The following NFIB variants were observed in gnomAD, a reference collection of about 807,000 sequenced individuals.
NFIB encodes the protein nuclear factor 1 B-type.
Under a neutral mutation model 61.5 loss-of-function variants are expected in NFIB, and 11 were observed. The observed-to-expected ratio is 0.18, with a 90% CI of 0.11 to 0.30. The LOEUF (loss-of-function observed/expected upper bound fraction) is 0.30. Among genes scored for constraint, NFIB ranks in the 10% least tolerant of loss-of-function variants. The probability of loss-of-function intolerance (pLI) is 1.00; values close to 1 mark genes in which losing one functional copy is unlikely to be tolerated. For missense variants in NFIB, 471 were observed against 608.9 expected, an observed-to-expected ratio of 0.77 and a Z score of 2.38; for synonymous variants, 260 against 216.5, an observed-to-expected ratio of 1.20 and a Z score of -1.76.
At chr9:14,295,393 A>G (rs1313709868) in intron 2 of NFIB, among the ~76,000 whole-genome samples, 8 of 152,222 alleles carry the variant, frequency 5.3e-5, no homozygotes, top group East Asian at 1.9e-4. Flanking sequence ...TGGGAGGCCC[A>G]AGGCGGGCAG....
the NFIB span, among the ~76,000 whole-genome samples, chr9:14,456,566 G>C: frequency 6.6e-6 from 1 of 152,168 alleles, no homozygotes; most frequent in Admixed American, 6.5e-5. Flanking sequence ...GTATTAATTG[G>C]CTCTTATTCA....
At chr9:14,346,060 C>G (rs1173707440) in intron 1 of NFIB, among the ~76,000 whole-genome samples, 6 of 152,162 alleles carry the variant, frequency 3.9e-5, no homozygotes, top group Non-Finnish European at 8.8e-5. Context: ...AGGCACGACC[C>G]TGATCCCCGG....
intron 6 of NFIB, among the ~76,000 whole-genome samples, chr9:14,140,080 T>G (rs2041512210): frequency 6.6e-6 from 1 of 152,230 alleles, no homozygotes; most frequent in African/African-American, 2.4e-5. Flanking sequence ...TCTTTTTTTC[T>G]GGTTCAAAAC....
chr9:14,114,027 G>A (rs898539556), intron 9 of NFIB, among the ~76,000 whole-genome samples: 1 of 152,044 alleles, frequency 6.6e-6, no homozygotes, highest in African/African-American at 2.4e-5. Flanking sequence ...TACCTTTATT[G>A]TTCTGAAGAA....
chr9:14,120,309 G>A lies in NFIB; in HGVS notation c.1245+131C>T. The A allele has an allele frequency of 2.0e-6, 2 of 988,044 alleles. No individual in the cohort carries two copies. The highest frequency in any genetic ancestry group is 3.1e-6 in the Non-Finnish European group (2 of 635,346). The allele number at this position is 988,044 out of a possible 1,614,324, so 61.2% of individuals were successfully genotyped here. A position where few individuals can be genotyped will look rare whatever the true frequency, so the allele number is the denominator to read the frequency against. ...AAATAAAAACTTATTGAGTCACCAA[G>A]CAACTTCCTGAAGATGGATTTCAAG... On this transcript the variant is annotated intron_variant, in intron 8 of 10. Coordinates refer to ENST00000380953, the MANE Select transcript of NFIB (RefSeq NM_001190737.2). The surrounding 1 kb of genome is among the most constrained non-coding windows in gnomAD (Gnocchi z 4.4).
chr9:14,519,834 T>C, the NFIB span, among the ~76,000 whole-genome samples: 1 of 152,204 alleles, frequency 6.6e-6, no homozygotes. Context: ...AATGGCATAT[T>C]TGGGAGTTGA....
chr9:14,264,546 C>T (rs892518379), intron 2 of NFIB, among the ~76,000 whole-genome samples: 13 of 152,098 alleles, frequency 8.5e-5, no homozygotes, highest in Non-Finnish European at 1.3e-4. Context: ...AGTAAAAACA[C>T]TCAATGATGA....
In NFIB at chr9:14,339,517, C is replaced by T. The variant is rs186145944; in HGVS notation, c.109-31997G>A. ...CATTATAATCACTTCTTGTTCACAT[C>T]TCTGATATCCCCATGGCTCTTGCTG... On this transcript the variant is annotated intron_variant, in intron 1 of 8. Transcript: ENST00000380934. Among the ~76,000 whole-genome samples the T allele has an allele frequency of 6.6e-5, 10 of 152,312 alleles. 1 individual carries two copies. Among genetic ancestry groups the T allele is most frequent in the Admixed American group, 4.6e-4 (7 of 15,304 alleles).
chr9:14,327,793 T>G (rs893981550), intron 1 of NFIB, among the ~76,000 whole-genome samples: 3 of 152,134 alleles, frequency 2.0e-5, no homozygotes, highest in African/African-American at 7.2e-5. Flanking sequence ...GCTGCCCTTC[T>G]CATCCCACTT....
the NFIB span, among the ~76,000 whole-genome samples, chr9:14,502,704 ATTTATT>A: frequency 6.6e-6 from 1 of 152,000 alleles, no homozygotes; most frequent in African/African-American, 2.4e-5. Flanking sequence ...GGGAAGTTTT[ATTTATT>A]TTTATTTTTT....
intron 1 of NFIB, among the ~76,000 whole-genome samples, chr9:14,392,116 C>T (rs1434226204): frequency 1.3e-5 from 2 of 151,980 alleles, no homozygotes; most frequent in African/African-American, 4.8e-5. Flanking sequence ...TCAAAACTTA[C>T]AAGGTTATCA....
In NFIB at chr9:14,235,071, T is replaced by C. The variant is rs368511552; in HGVS notation, c.563-55291A>G. Among the ~76,000 whole-genome samples, 22 of 152,314 alleles carry C rather than the reference T, an allele frequency of 1.4e-4. No individual in the cohort carries two copies. In the East Asian group the frequency reaches 1.7e-3, roughly 12 times the overall value. ...ACAACTGGTAGGTACTTAATAAGTA[T>C]ATGCCTATAGAGGATAATGATAACT... is the stretch of plus-strand genomic sequence containing the variant. On this transcript the variant is annotated intron_variant, in intron 2 of 10. Transcript: ENST00000380953.
chr9:14,131,290 C>T (rs953225317), intron 6 of NFIB, among the ~76,000 whole-genome samples: 1 of 152,132 alleles, frequency 6.6e-6, no homozygotes, highest in African/African-American at 2.4e-5. Flanking sequence ...TTCATTTATT[C>T]TTAAGCATCC....
the NFIB span, among the ~76,000 whole-genome samples, chr9:14,452,751 T>C: frequency 6.6e-6 from 1 of 152,210 alleles, no homozygotes; most frequent in African/African-American, 2.4e-5. Context: ...ATTAGGCAGA[T>C]GGTTATCAAA....
At chr9:14,360,748 G>T (rs1201392961) in intron 1 of NFIB, among the ~76,000 whole-genome samples, 1 of 151,918 alleles carries the variant, frequency 6.6e-6, no homozygotes, top group South Asian at 2.1e-4. Flanking sequence ...GTTTCACCTT[G>T]TTAGCCAGAA....
At chr9:14,471,837 G>A in the NFIB span, among the ~76,000 whole-genome samples, 1 of 152,204 alleles carries the variant, frequency 6.6e-6, no homozygotes, top group East Asian at 1.9e-4. Context: ...CTGTTTCCCA[G>A]TTGGGACAAA....
chr9:14,160,089 T>A lies in NFIB; in HGVS notation c.617-4196A>T, dbSNP rs191199384. On this transcript the variant is annotated intron_variant, in intron 3 of 10. Transcript: ENST00000380953. The stretch of plus-strand genomic sequence containing the variant: ...AGAAAAGAACAACTCTGCATTTGTG[T>A]GATGCTGTATTTACACTACATGTGT... Among the ~76,000 whole-genome samples, 3 of 152,318 alleles carry A rather than the reference T, an allele frequency of 2.0e-5. No individual in the cohort carries two copies. The East Asian group carries it at 5.8e-4, about 29-fold the overall frequency.
chr9:14,502,589 G>A, the NFIB span, among the ~76,000 whole-genome samples: 2 of 152,238 alleles, frequency 1.3e-5, no homozygotes, highest in Non-Finnish European at 2.9e-5. Context: ...CTTACACAGC[G>A]GATGATTAAC....
At chr9:14,468,355 T>C in the NFIB span, among the ~76,000 whole-genome samples, 1 of 152,234 alleles carries the variant, frequency 6.6e-6, no homozygotes, top group African/African-American at 2.4e-5. Context: ...GAGGAGATGA[T>C]ATGATCTAAG....
Sources: allele counts gnomAD v4.1 joint callset (sites outside exome capture counted in the v4.1 genomes callset), GRCh38; gene constraint gnomAD v4.1.1; non-coding constraint Gnocchi (gnomAD v3.1); transcripts MANE v1.5; gene names NCBI Gene and HGNC (gene_info 2026-07-23, HGNC 2026-07-21).